Variants in C21orf91 observed in about 807,000 individuals in gnomAD.
The protein encoded by C21orf91 is protein EURL homolog.
In C21orf91, 26 loss-of-function variants were observed where a neutral mutation model predicts 32.9. The observed-to-expected ratio is 0.79, with a 90% confidence interval of 0.58 to 1.10. The LOEUF is 1.10. Among genes scored for constraint, C21orf91 ranks in the 50% least tolerant of loss-of-function variants. C21orf91 has a pLI of 0.00. For missense variants in C21orf91, 310 were observed against 341.3 expected (o/e 0.91, Z 0.72); for synonymous variants, 126 against 120.4 (o/e 1.05, Z -0.31).
rs1366515708 is a variant in C21orf91 at position 17,789,028 on chromosome 21, TAC to T, written c.*4385_*4386del. On this transcript the variant is annotated 3_prime_UTR_variant, in exon 5 of 5. Transcript: ENST00000284881. ...ATTAAAAATAGTAGACAAGCATATA[TAC>T]AGTTCCCAAGCAGAGCAATACAAAT... 6.6e-6 allele frequency: 1 copy of T among 152,110 alleles called. No individual in the cohort carries two copies. Among genetic ancestry groups the T allele is most frequent in the Non-Finnish European group, 1.5e-5 (1 of 68,010 alleles). The allele number at this position is 152,110 out of a possible 1,614,324, so 9.4% of individuals were successfully genotyped here.
At chr21:17,819,069 C>A (rs2146267352) in intron 1 of C21orf91, 1 of 152,346 alleles carries the variant, frequency 6.6e-6, no homozygotes, top group East Asian at 1.9e-4. Flanking sequence ...GGCCGGTCCG[C>A]CCAGCCTCAG....
intron 2 of C21orf91, among the ~76,000 whole-genome samples, chr21:17,806,182 T>A (rs1030880894): frequency 6.6e-6 from 1 of 152,214 alleles, no homozygotes; most frequent in Non-Finnish European, 1.5e-5. Context: ...GAGAAAGTGA[T>A]CTATGTTCTT....
intron 1 of C21orf91, among the ~76,000 whole-genome samples, chr21:17,818,645 G>C (rs2062682715): frequency 6.6e-6 from 1 of 152,210 alleles, no homozygotes; most frequent in Non-Finnish European, 1.5e-5. Flanking sequence ...CCCCAACCTC[G>C]AATAATCAGA....
rs565967734 is a variant in C21orf91 at position 17,791,838 on chromosome 21, A to G, written c.*1577T>C. ...TTTCAAAAATTCCCTCCAAAAAGTA[A>G]TGTTATACTTCAAAGAAAAACAAAA... On this transcript the variant is annotated 3_prime_UTR_variant, in exon 5 of 5. Transcript: ENST00000284881. 6.6e-5 allele frequency: 10 copies of G among 152,318 alleles called. No homozygotes were observed. The East Asian group carries it at 1.7e-3, about 26-fold the overall frequency. The allele number at this position is 152,318 out of a possible 1,614,324, so 9.4% of individuals were successfully genotyped here. A position where few individuals can be genotyped will look rare whatever the true frequency, so the allele number is the denominator to read the frequency against.
chr21:17,800,634 A>C (rs1227815680), intron 2 of C21orf91, among the ~76,000 whole-genome samples: 2 of 152,220 alleles, frequency 1.3e-5, no homozygotes, highest in African/African-American at 2.4e-5. Context: ...ATAAATCTAA[A>C]TGCAACACAA....
chr21:17,813,343 A>G (rs2062645191), intron 2 of C21orf91, among the ~76,000 whole-genome samples: 1 of 152,240 alleles, frequency 6.6e-6, no homozygotes, highest in African/African-American at 2.4e-5. Context: ...TTGGTCCCTG[A>G]CTACTGACCA....
At chr21:17,815,541 T>C (rs1189308006) in intron 2 of C21orf91, among the ~76,000 whole-genome samples, 1 of 152,190 alleles carries the variant, frequency 6.6e-6, no homozygotes, top group African/African-American at 2.4e-5. Flanking sequence ...TTGTTATTTT[T>C]CTAGTATGTA....
chr21:17,807,323 G>C (rs1453825944), intron 2 of C21orf91, among the ~76,000 whole-genome samples: 1 of 152,098 alleles, frequency 6.6e-6, no homozygotes, highest in African/African-American at 2.4e-5. Context: ...TGTAAGATGT[G>C]CCTGCTCCCC....
chr21:17,800,287 A>G (rs1446256080), intron 2 of C21orf91, among the ~76,000 whole-genome samples: 1 of 152,222 alleles, frequency 6.6e-6, no homozygotes, highest in Non-Finnish European at 1.5e-5. Flanking sequence ...TGTTTTATAA[A>G]CATATTTAAA....
intron 2 of C21orf91, chr21:17,813,779 A>C (rs2062648074): frequency 6.6e-6 from 1 of 152,206 alleles, no homozygotes; most frequent in Non-Finnish European, 1.5e-5. Context: ...TAGGTGTTCA[A>C]AAAGTTTTAG....
intron 4 of C21orf91, among the ~76,000 whole-genome samples, chr21:17,794,748 G>A (rs968999842): frequency 2.0e-5 from 3 of 152,178 alleles, no homozygotes; most frequent in Non-Finnish European, 4.4e-5. Flanking sequence ...TTAGTAAGAG[G>A]TGGTAGTTTC....
At chr21:17,797,996 A>G (rs572556687) in intron 2 of C21orf91, among the ~76,000 whole-genome samples, 3 of 152,288 alleles carry the variant, frequency 2.0e-5, no homozygotes, top group Admixed American at 2.0e-4. Context: ...ACACATTTTT[A>G]TAAGTTCAAG....
intron 4 of C21orf91, among the ~76,000 whole-genome samples, chr21:17,794,625 T>A (rs919686359): frequency 6.6e-6 from 1 of 152,206 alleles, no homozygotes; most frequent in Admixed American, 6.5e-5. Flanking sequence ...CTTTTATATA[T>A]GTTTGAAATT....
In C21orf91 at chr21:17,789,784, C is replaced by G. The variant is rs2062458483; in HGVS notation, c.*3631G>C. On this transcript the variant is annotated 3_prime_UTR_variant, in exon 5 of 5. Coordinates refer to ENST00000284881, the MANE Select transcript of C21orf91 (RefSeq NM_001100420.2). ...GTTACCTTTATTTTGTGTGAGGGCT[C>G]TAGTATTCTGGTAAATAAACTCTTC... 1 of 152,068 alleles carries G rather than the reference C, an allele frequency of 6.6e-6. No homozygotes were observed. The highest frequency in any genetic ancestry group is 2.1e-4 in the South Asian group (1 of 4,826). 9.4% of individuals were successfully genotyped at this position (152,068 alleles called of 1,614,324 possible).
At chr21:17,797,938 T>C (rs1452303774) in intron 2 of C21orf91, among the ~76,000 whole-genome samples, 5 of 152,002 alleles carry the variant, frequency 3.3e-5, no homozygotes, top group African/African-American at 9.7e-5. Flanking sequence ...TATAAAAATA[T>C]AAAACATTTT....
In C21orf91 at chr21:17,790,358, A is replaced by C. The variant is rs2062463815; in HGVS notation, c.*3057T>G. The C allele has an allele frequency of 6.6e-6, 1 of 152,126 alleles. No individual in the cohort carries two copies. The highest frequency in any genetic ancestry group is 6.5e-5 in the Admixed American group (1 of 15,278). The allele number at this position is 152,126 out of a possible 1,614,324, so 9.4% of individuals were successfully genotyped here. ...ACAAGCCTTACCAGTGTAAACACTA[A>C]GGTAAAAAATATATAAACAACATAA... On this transcript the variant is annotated 3_prime_UTR_variant, in exon 5 of 5. Transcript: ENST00000284881.
chr21:17,802,439 G>A (rs1015380397), intron 2 of C21orf91, among the ~76,000 whole-genome samples: 1 of 152,220 alleles, frequency 6.6e-6, no homozygotes, highest in African/African-American at 2.4e-5. Flanking sequence ...GGGATTACAT[G>A]TGGCGTGTAA....
At chr21:17,816,578 G>A (rs146747087) in intron 2 of C21orf91, among the ~76,000 whole-genome samples, 1 of 152,316 alleles carries the variant, frequency 6.6e-6, no homozygotes, top group East Asian at 1.9e-4. Context: ...TTAAAGTCCA[G>A]GACCAACAGT....
chr21:17,796,575 T>G lies in C21orf91; in HGVS notation c.664+7A>C. On this transcript the variant is annotated splice_region_variant and intron_variant, in intron 3 of 4. Transcript: ENST00000284881. ...CCAACTTTTACTTTTCTCCCCATTT[T>G]ACTTACATTCCTCTCTGCTGTAATG... 1 of 1,592,690 alleles carries G rather than the reference T, an allele frequency of 6.3e-7. No homozygotes were observed. The highest frequency in any genetic ancestry group is 8.6e-7 in the Non-Finnish European group (1 of 1,167,934).
Sources: allele counts gnomAD v4.1 joint callset (sites outside exome capture counted in the v4.1 genomes callset), GRCh38; gene constraint gnomAD v4.1.1; transcripts MANE v1.5; gene names NCBI Gene and HGNC (gene_info 2026-07-23, HGNC 2026-07-21).